ME3: variants seen among roughly 807,000 people sequenced by gnomAD.
The protein encoded by ME3 is NADP-dependent malic enzyme, mitochondrial.
In ME3, 48 loss-of-function variants were observed where a neutral mutation model predicts 68.9. That is an observed-to-expected ratio of 0.70 (90% CI 0.55 to 0.89). ME3 has a LOEUF of 0.89. ME3 is among the 40% of genes least tolerant of loss of function. The pLI, the probability that ME3 is intolerant of heterozygous loss-of-function variation, is 0.00. For missense variants in ME3, 675 were observed against 797.4 expected, an observed-to-expected ratio of 0.85 and a Z score of 1.85; for synonymous variants, 320 against 318.8, an observed-to-expected ratio of 1.00 and a Z score of -0.04.
chr11:86,606,437 G>A (rs1961660478), intron 2 of ME3, among the ~76,000 whole-genome samples: 1 of 152,192 alleles, frequency 6.6e-6, no homozygotes, highest in Non-Finnish European at 1.5e-5. Flanking sequence ...ACACACAAGT[G>A]CCACTCAGAA....
At chr11:86,521,431 A>AAAATAAT (rs1271326906) in intron 4 of ME3, among the ~76,000 whole-genome samples, 2 of 145,922 alleles carry the variant, frequency 1.4e-5, no homozygotes, top group Admixed American at 6.8e-5. Context: ...AACAAAACAA[A>AAAATAAT]AATAATAATA....
chr11:86,516,939 T>G (rs1038154582), intron 4 of ME3, among the ~76,000 whole-genome samples: 1 of 152,006 alleles, frequency 6.6e-6, no homozygotes, highest in Non-Finnish European at 1.5e-5. Context: ...GAGCTTTGGG[T>G]TAAGTAGGCA....
At chr11:86,645,868 T>A (rs983144383) in intron 2 of ME3, among the ~76,000 whole-genome samples, 1 of 152,180 alleles carries the variant, frequency 6.6e-6, no homozygotes, top group African/African-American at 2.4e-5. Context: ...GGCAGCAATC[T>A]TCACTGTTCT....
chr11:86,477,340 C>T (rs1403968102), intron 7 of ME3, among the ~76,000 whole-genome samples: 1 of 105,602 alleles, frequency 9.5e-6, no homozygotes, highest in African/African-American at 3.6e-5. Flanking sequence ...ACTTCAGTTT[C>T]TTCATCTCTT....
intron 2 of ME3, among the ~76,000 whole-genome samples, chr11:86,606,819 A>C (rs576763528): frequency 2.6e-5 from 4 of 152,150 alleles, no homozygotes; most frequent in African/African-American, 4.8e-5. Flanking sequence ...TGGGTTAACT[A>C]ATGCTTACCC....
At chr11:86,488,893 G>A (rs1057380731) in intron 6 of ME3, among the ~76,000 whole-genome samples, 1 of 152,140 alleles carries the variant, frequency 6.6e-6, no homozygotes, top group Non-Finnish European at 1.5e-5. Context: ...AGTGATGAGT[G>A]AAGAAATTCC....
intron 7 of ME3, among the ~76,000 whole-genome samples, chr11:86,482,394 A>C (rs530984387): frequency 7.9e-5 from 12 of 152,096 alleles, no homozygotes; most frequent in Non-Finnish European, 1.2e-4. Flanking sequence ...ATGCTCATTG[A>C]TTTTATATAC....
chr11:86,533,818 G>A (rs1955440229), intron 4 of ME3, among the ~76,000 whole-genome samples: 3 of 152,100 alleles, frequency 2.0e-5, no homozygotes, highest in African/African-American at 7.2e-5. Flanking sequence ...ACACTGTAAA[G>A]TGCACTTACA....
chr11:86,579,819 A>G (rs1355294886), intron 2 of ME3, among the ~76,000 whole-genome samples: 1 of 152,246 alleles, frequency 6.6e-6, no homozygotes, highest in Non-Finnish European at 1.5e-5. Context: ...ATTAATAGAG[A>G]AACTCAAAGG....
rs148521239 is a variant in ME3, at chr11:86,646,055, G to A, written c.183+25707C>T. Among the ~76,000 whole-genome samples the A allele has an allele frequency of 8.8e-3, 1,337 of 152,256 alleles. 27 individuals carry two copies. Among genetic ancestry groups the A allele is most frequent in the African/African-American group, 0.03 (1,252 of 41,552 alleles). On this transcript the variant is annotated intron_variant, in intron 2 of 14. Coordinates refer to ENST00000543262, the Ensembl canonical transcript of ME3. ...CAAAAACCCCATCTGAAGGTCACCA[G>A]AATCAAAGACCAAAGGTAGACAAAT... is the stretch of plus-strand genomic sequence containing the variant.
chr11:86,665,002 G>T (rs1946503716), intron 2 of ME3, among the ~76,000 whole-genome samples: 1 of 152,214 alleles, frequency 6.6e-6, no homozygotes, highest in African/African-American at 2.4e-5. Context: ...CACAGATGAG[G>T]ACACTGGGCG....
chr11:86,595,083 T>A (rs1321492010), intron 2 of ME3, among the ~76,000 whole-genome samples: 1 of 145,120 alleles, frequency 6.9e-6, no homozygotes, highest in African/African-American at 2.5e-5. Context: ...TGCTCTTTTT[T>A]AATAGAGGCC....
At chr11:86,660,428 T>G (rs1021125901) in intron 2 of ME3, among the ~76,000 whole-genome samples, 3 of 152,234 alleles carry the variant, frequency 2.0e-5, no homozygotes, top group African/African-American at 7.2e-5. Context: ...CTGCTTTACA[T>G]ACATTACTTC....
At chr11:86,528,854 G>A (rs1429453013) in intron 4 of ME3, among the ~76,000 whole-genome samples, 2 of 152,038 alleles carry the variant, frequency 1.3e-5, no homozygotes, top group African/African-American at 2.4e-5. Context: ...CACATTCAAA[G>A]CAGTGTGTAG....
chr11:86,533,758 G>A (rs1955434176), intron 4 of ME3, among the ~76,000 whole-genome samples: 1 of 152,150 alleles, frequency 6.6e-6, no homozygotes, highest in Non-Finnish European at 1.5e-5. Flanking sequence ...CAGTCACAGT[G>A]GATGTATGTT....
intron 6 of ME3, among the ~76,000 whole-genome samples, chr11:86,494,871 C>G (rs1565858364): frequency 6.6e-6 from 1 of 152,058 alleles, no homozygotes; most frequent in Non-Finnish European, 1.5e-5. Flanking sequence ...ACAAAATAAT[C>G]TTAATTGAAA....
At chr11:86,572,451 C>G (rs970411595) in intron 2 of ME3, among the ~76,000 whole-genome samples, 28 of 152,158 alleles carry the variant, frequency 1.8e-4, no homozygotes, top group African/African-American at 6.5e-4. Flanking sequence ...CACTGCCCAA[C>G]AGGCCCCGAT....
intron 2 of ME3, among the ~76,000 whole-genome samples, chr11:86,575,857 T>C (rs1312197990): frequency 6.6e-6 from 1 of 152,244 alleles, no homozygotes; most frequent in Non-Finnish European, 1.5e-5. Flanking sequence ...AATGAAAGTC[T>C]GTGAGTCCCA....
Position 86,468,019 on chromosome 11 carries a change from A to G in ME3, c.810-2819T>C, listed in dbSNP as rs538970108. ...GAACTCCTCTCCACCTTGGGTAACCATCCCCTGGCTGCTTTCTGGACCTTT... is the reference window on the plus strand; with the variant it reads ...GAACTCCTCTCCACCTTGGGTAACCGTCCCCTGGCTGCTTTCTGGACCTTT... On this transcript the variant is annotated intron_variant, in intron 7 of 14. Transcript: ENST00000543262. Among the ~76,000 whole-genome samples the G allele has an allele frequency of 2.6e-5, 4 of 152,204 alleles. No individual in the cohort carries two copies. In the South Asian group the frequency reaches 8.3e-4, roughly 32 times the overall value.
Sources: allele counts gnomAD v4.1 joint callset (sites outside exome capture counted in the v4.1 genomes callset), GRCh38; gene constraint gnomAD v4.1.1; transcripts MANE v1.5; gene names NCBI Gene and HGNC (gene_info 2026-07-23, HGNC 2026-07-21).